GPC5: variants seen among roughly 807,000 people sequenced by gnomAD.
GPC5 encodes the protein glypican-5.
A neutral mutation model predicts 53.9 loss-of-function variants in GPC5; 47 were observed. The observed-to-expected ratio is 0.87, with a 90% CI of 0.69 to 1.11. GPC5 has a LOEUF of 1.11. Among genes scored for constraint, GPC5 ranks in the 50% most tolerant of loss-of-function variants. GPC5 has a pLI of 0.00. For missense variants in GPC5, 748 were observed against 713.1 expected (o/e 1.05, Z -0.56); for synonymous variants, 286 against 263.3 (o/e 1.09, Z -0.84).
intron 2 of GPC5, among the ~76,000 whole-genome samples, chr13:91,500,275 A>G (rs1015502503): frequency 2.0e-5 from 3 of 152,216 alleles, no homozygotes; most frequent in Non-Finnish European, 4.4e-5. Flanking sequence ...TGTAGCATTT[A>G]GTCAATTGAT....
intron 7 of GPC5, among the ~76,000 whole-genome samples, chr13:92,577,645 A>G (rs2139049019): frequency 6.6e-6 from 1 of 152,282 alleles, no homozygotes; most frequent in African/African-American, 2.4e-5. Context: ...ACTGGAATGG[A>G]CTAAAAGCTC....
chr13:92,286,659 C>T (rs1450112089), intron 7 of GPC5, among the ~76,000 whole-genome samples: 2 of 147,212 alleles, frequency 1.4e-5, no homozygotes, highest in African/African-American at 2.5e-5. Flanking sequence ...ACCGCATGTT[C>T]TCACTTATAG....
chr13:92,071,308 C>T (rs1001936292), intron 6 of GPC5, among the ~76,000 whole-genome samples: 8 of 152,074 alleles, frequency 5.3e-5, no homozygotes, highest in Non-Finnish European at 8.8e-5. Flanking sequence ...TTAAAAAGTA[C>T]AATTCAAAAG....
chr13:91,721,824 A>G (rs1482861503), intron 3 of GPC5, among the ~76,000 whole-genome samples: 8 of 152,256 alleles, frequency 5.3e-5, no homozygotes, highest in Non-Finnish European at 1.2e-4. Context: ...AATAGTATTT[A>G]AACCAATTGA....
intron 6 of GPC5, among the ~76,000 whole-genome samples, chr13:92,079,828 A>G (rs911718085): frequency 9.2e-5 from 14 of 152,158 alleles, no homozygotes; most frequent in African/African-American, 3.4e-4. Flanking sequence ...AACCTTCCTC[A>G]CCTGCCTCTC....
At chr13:92,712,466 A>C (rs901400019) in intron 7 of GPC5, among the ~76,000 whole-genome samples, 2 of 2,142 alleles carry the variant, frequency 9.3e-4, no homozygotes, top group Non-Finnish European at 4.1e-3. Context: ...CAAACAAACA[A>C]AAAAAAAACG....
chr13:91,406,316 G>C (rs1877319836), intron 1 of GPC5, among the ~76,000 whole-genome samples: 2 of 152,150 alleles, frequency 1.3e-5, no homozygotes, highest in Admixed American at 1.3e-4. Context: ...TGGATACTGA[G>C]TATCTCAGAT....
At chr13:91,812,560 A>G (rs1476457255) in intron 5 of GPC5, among the ~76,000 whole-genome samples, 3 of 152,208 alleles carry the variant, frequency 2.0e-5, no homozygotes, top group Admixed American at 6.5e-5. Flanking sequence ...TAAATCTTGT[A>G]GTGGAATCTA....
intron 7 of GPC5, among the ~76,000 whole-genome samples, chr13:92,375,178 T>C (rs1469259710): frequency 2.0e-5 from 3 of 152,222 alleles, no homozygotes; most frequent in Non-Finnish European, 4.4e-5. Flanking sequence ...GAGAGTATCT[T>C]TGGCTAAGGG....
At position 91,398,949 on chromosome 13, in the gene GPC5, A is replaced by G; in HGVS notation, c.-98A>G. The G allele has an allele frequency of 1.4e-6, 2 of 1,434,426 alleles. No individual in the cohort carries two copies. The highest frequency in any genetic ancestry group is 5.1e-5 in the East Asian group (2 of 39,424). The allele number at this position is 1,434,426 out of a possible 1,614,324, so 88.9% of individuals were successfully genotyped here. A position where few individuals can be genotyped will look rare whatever the true frequency, so the allele number is the denominator to read the frequency against. ...CCCCGCAGCCGGCTCGCACCGCTCG[A>G]GAGCCTCGGCCGCTGTGTCTTCCAC... On this transcript the variant is annotated 5_prime_UTR_variant, in exon 1 of 8. Coordinates refer to ENST00000377067, the MANE Select transcript of GPC5 (RefSeq NM_004466.6).
chr13:92,049,583 TA>T (rs1431271550), intron 6 of GPC5, among the ~76,000 whole-genome samples: 2 of 152,174 alleles, frequency 1.3e-5, no homozygotes. Flanking sequence ...TATTGATGAT[TA>T]ATTGTTCCTT....
chr13:91,487,511 T>C (rs1213945542), intron 2 of GPC5, among the ~76,000 whole-genome samples: 1 of 152,194 alleles, frequency 6.6e-6, no homozygotes, highest in Non-Finnish European at 1.5e-5. Context: ...AGTCTTCAGA[T>C]AGAAAAGGGA....
intron 5 of GPC5, among the ~76,000 whole-genome samples, chr13:91,839,680 C>A (rs2038762385): frequency 6.6e-6 from 1 of 152,036 alleles, no homozygotes. Context: ...GTTTAGGAAC[C>A]TTTGCATACC....
intron 7 of GPC5, among the ~76,000 whole-genome samples, chr13:92,724,434 T>C (rs1308999159): frequency 6.6e-6 from 1 of 151,678 alleles, no homozygotes; most frequent in African/African-American, 2.4e-5. Context: ...ACCTTCATAC[T>C]GTGTTCCATA....
In GPC5 at chr13:92,334,877, G is replaced by C. The variant is rs1051973971; in HGVS notation, c.1561+189888G>C. Among the ~76,000 whole-genome samples, 8 of 152,262 alleles carry C rather than the reference G, an allele frequency of 5.3e-5. No homozygotes were observed. In the South Asian group the frequency reaches 1.7e-3, roughly 32 times the overall value. On this transcript the variant is annotated intron_variant, in intron 7 of 7. Transcript: ENST00000377067. ...AAAAGGTGGGTTCCCATGGCCTTGG[G>C]AAGCTCTGTCTCTATGGCTTTGCAG... is the stretch of plus-strand genomic sequence containing the variant.
intron 7 of GPC5, among the ~76,000 whole-genome samples, chr13:92,417,415 G>T (rs541966597): frequency 1.3e-5 from 2 of 152,256 alleles, no homozygotes; most frequent in Admixed American, 6.5e-5. Context: ...ATAAAATGGT[G>T]TAGCTTTTCT....
rs568443247 is a variant in GPC5, at chr13:92,520,097, A to C, written c.1562-346185A>C. On this transcript the variant is annotated intron_variant, in intron 7 of 7. Coordinates refer to ENST00000377067, the MANE Select transcript of GPC5 (RefSeq NM_004466.6). ...AAACCAGTAAGAAGTTGAATCCCTG[A>C]ATAGACCAATAACAGGCTCTGAAAT... 3.3e-5 allele frequency among the ~76,000 whole-genome samples: 5 copies of C among 152,280 alleles called. No individual in the cohort carries two copies. In the East Asian group the frequency reaches 9.7e-4, roughly 29 times the overall value.
intron 7 of GPC5, among the ~76,000 whole-genome samples, chr13:92,215,188 CAG>C (rs1245685883): frequency 6.6e-6 from 1 of 152,152 alleles, no homozygotes; most frequent in African/African-American, 2.4e-5. Flanking sequence ...TGGAAGTACA[CAG>C]AGTGAAACAA....
At chr13:91,520,625 T>G (rs1249807356) in intron 2 of GPC5, among the ~76,000 whole-genome samples, 2 of 152,136 alleles carry the variant, frequency 1.3e-5, no homozygotes, top group Non-Finnish European at 2.9e-5. Context: ...TCCCATAAGA[T>G]AATTCCTTAA....
Sources: allele counts gnomAD v4.1 joint callset (sites outside exome capture counted in the v4.1 genomes callset), GRCh38; gene constraint gnomAD v4.1.1; transcripts MANE v1.5; gene names NCBI Gene and HGNC (gene_info 2026-07-23, HGNC 2026-07-21).